SGCD: variants seen among roughly 807,000 people sequenced by gnomAD.
SGCD encodes the protein delta-sarcoglycan.
In SGCD, 18 loss-of-function variants were observed where a neutral mutation model predicts 36.6. That is an observed-to-expected ratio of 0.49 (90% CI 0.34 to 0.73). SGCD has a LOEUF of 0.73. Ranked by LOEUF, SGCD falls within the 30% of genes least tolerant of loss-of-function variation. SGCD has a pLI of 0.01. For synonymous variants in SGCD, 133 were observed against 130.6 expected (o/e 1.02, Z -0.12); for missense variants, 387 against 346.7 (o/e 1.12, Z -0.92).
At chr5:156,577,321 C>G (rs1166416070) in intron 4 of SGCD, among the ~76,000 whole-genome samples, 3 of 152,120 alleles carry the variant, frequency 2.0e-5, no homozygotes, top group Admixed American at 6.6e-5. Context: ...GTTGCTGTAG[C>G]CTTGTGGAAT....
intron 3 of SGCD, among the ~76,000 whole-genome samples, chr5:156,367,476 CAG>C (rs1328516006): frequency 6.6e-6 from 1 of 152,184 alleles, no homozygotes; most frequent in Non-Finnish European, 1.5e-5. Flanking sequence ...AAGCACAAAA[CAG>C]AGAAGCAAGC....
intron 1 of SGCD, among the ~76,000 whole-genome samples, chr5:156,105,940 G>T (rs1218520214): frequency 1.3e-5 from 2 of 151,260 alleles, no homozygotes; most frequent in Non-Finnish European, 1.5e-5. Flanking sequence ...GTGAAACCCC[G>T]TCTCTACTAA....
intron 1 of SGCD, among the ~76,000 whole-genome samples, chr5:156,098,922 C>T (rs1006171418): frequency 2.0e-5 from 3 of 152,188 alleles, no homozygotes; most frequent in African/African-American, 7.2e-5. Context: ...CTCCTACAAG[C>T]TTATGTCTGG....
At chr5:156,367,309 G>A (rs986916715) in intron 3 of SGCD, among the ~76,000 whole-genome samples, 1 of 152,182 alleles carries the variant, frequency 6.6e-6, no homozygotes, top group Non-Finnish European at 1.5e-5. Flanking sequence ...TGTGTATTAT[G>A]TAGGAGCAAT....
upstream of SGCD, among the ~76,000 whole-genome samples, chr5:155,866,075 C>T (rs1378931337): frequency 6.6e-6 from 1 of 152,154 alleles, no homozygotes; most frequent in African/African-American, 2.4e-5. Flanking sequence ...GGCTGTTATA[C>T]TTCAGTGAGC....
At chr5:155,949,844 T>A (rs1270329672) in intron 1 of SGCD, among the ~76,000 whole-genome samples, 2 of 152,208 alleles carry the variant, frequency 1.3e-5, no homozygotes, top group African/African-American at 4.8e-5. Context: ...TGGGGATTAC[T>A]GATAGATCAT....
At chr5:155,820,176 G>A in the SGCD span, among the ~76,000 whole-genome samples, 81 of 152,266 alleles carry the variant, frequency 5.3e-4, no homozygotes, top group African/African-American at 1.8e-3. Context: ...CTCTTTGAAA[G>A]GTCAAGCTTT....
chr5:156,398,226 C>A (rs975275865), intron 3 of SGCD, among the ~76,000 whole-genome samples: 1 of 152,118 alleles, frequency 6.6e-6, no homozygotes, highest in Non-Finnish European at 1.5e-5. Context: ...ATATTATCAT[C>A]CAGCTAAGCT....
rs551421482 is a variant in SGCD, at chr5:155,970,537, A to C, written c.-282+100113A>C. On this transcript the variant is annotated intron_variant, in intron 1 of 9. Transcript: ENST00000517913. The stretch of plus-strand genomic sequence containing the variant: ...AGTCCCAGACAACAAATAGATAAAT[A>C]AATAATTGCCATTATATTTTATTCT... Among the ~76,000 whole-genome samples the C allele has an allele frequency of 3.9e-5, 6 of 152,288 alleles. No homozygotes were observed. The South Asian group carries it at 1.2e-3, about 32-fold the overall frequency.
intron 1 of SGCD, among the ~76,000 whole-genome samples, chr5:156,091,796 A>G (rs184081311): frequency 3.3e-5 from 5 of 152,340 alleles, no homozygotes; most frequent in African/African-American, 1.2e-4. Flanking sequence ...AGCAAAGTCA[A>G]TACCTCATGA....
At chr5:156,417,273 C>T (rs953397561) in intron 3 of SGCD, among the ~76,000 whole-genome samples, 5 of 152,112 alleles carry the variant, frequency 3.3e-5, no homozygotes, top group Admixed American at 1.3e-4. Context: ...CCCTATTTCC[C>T]TCTTGGAGAT....
chr5:156,182,139 C>T (rs1763625406), intron 3 of SGCD, among the ~76,000 whole-genome samples: 2 of 152,170 alleles, frequency 1.3e-5, no homozygotes, highest in Admixed American at 1.3e-4. Flanking sequence ...AATTGACACA[C>T]TGATTCTAAA....
intron 4 of SGCD, among the ~76,000 whole-genome samples, chr5:156,563,828 G>A (rs1759368648): frequency 6.6e-6 from 1 of 152,072 alleles, no homozygotes; most frequent in South Asian, 2.1e-4. Flanking sequence ...AAAGAATGAA[G>A]CAGTTACATA....
At chr5:156,737,545 A>T (rs1364181695) in intron 7 of SGCD, among the ~76,000 whole-genome samples, 1 of 152,192 alleles carries the variant, frequency 6.6e-6, no homozygotes, top group African/African-American at 2.4e-5. Flanking sequence ...TATTGTTTTC[A>T]GCCTTCCTAG....
chr5:156,304,624 G>A (rs1217272970), intron 3 of SGCD, among the ~76,000 whole-genome samples: 3 of 152,206 alleles, frequency 2.0e-5, no homozygotes, highest in East Asian at 3.9e-4. Flanking sequence ...GTGGGGCACT[G>A]CTGAAAAGAT....
chr5:156,355,315 C>A lies in SGCD; in HGVS notation c.192+10638C>A, dbSNP rs1276925922. On this transcript the variant is annotated intron_variant, in intron 3 of 8. Coordinates refer to ENST00000337851, the MANE Select transcript of SGCD (RefSeq NM_000337.6). The stretch of plus-strand genomic sequence containing the variant: ...GTGGGATTAAGGTAGGAAAACAAAC[C>A]AAAACCATTTTAATATAAAAAGGAG... Among the ~76,000 whole-genome samples the A allele has an allele frequency of 1.3e-5, 2 of 152,130 alleles. 1 individual carries two copies. Among genetic ancestry groups the A allele is most frequent in the Non-Finnish European group, 2.9e-5 (2 of 68,022 alleles).
chr5:156,181,352 TGGA>T (rs1763600624), intron 3 of SGCD, among the ~76,000 whole-genome samples: 1 of 152,206 alleles, frequency 6.6e-6, no homozygotes, highest in East Asian at 1.9e-4. Context: ...ACCATGTTCA[TGGA>T]CTAAAAAACT....
intron 4 of SGCD, among the ~76,000 whole-genome samples, chr5:156,564,692 A>G (rs193077631): frequency 1.2e-3 from 185 of 151,756 alleles, no homozygotes; most frequent in Middle Eastern, 6.8e-3. Context: ...TCTGCTTTCT[A>G]TTTCTATGAA....
At chr5:156,540,836 T>C (rs994693504) in intron 4 of SGCD, among the ~76,000 whole-genome samples, 1 of 152,148 alleles carries the variant, frequency 6.6e-6, no homozygotes, top group African/African-American at 2.4e-5. Flanking sequence ...CAAAGATGTA[T>C]TGGGCATCCC....
Sources: gnomAD v4.1 joint callset for allele counts (sites outside exome capture counted in the v4.1 genomes callset) on GRCh38, gnomAD v4.1.1 for gene constraint, MANE v1.5 for transcripts, NCBI Gene and HGNC (gene_info 2026-07-23, HGNC 2026-07-21) for gene names.